SFRP1: variants seen among roughly 807,000 people sequenced by gnomAD.
The protein encoded by SFRP1 is secreted frizzled-related protein 1.
Under a neutral mutation model 25.9 loss-of-function variants are expected in SFRP1, and 9 were observed. The ratio of observed to expected loss-of-function variants is 0.35; its 90% confidence interval spans 0.21 to 0.61. The LOEUF (loss-of-function observed/expected upper bound fraction) is 0.61, where lower values mean the gene tolerates loss of function less well. SFRP1 is among the 20% of genes least tolerant of loss of function. The pLI, the probability that SFRP1 is intolerant of heterozygous loss-of-function variation, is 0.78. For missense variants in SFRP1, 346 were observed against 418.2 expected, an observed-to-expected ratio of 0.83 and a Z score of 1.51; for synonymous variants, 178 against 174.0, an observed-to-expected ratio of 1.02 and a Z score of -0.18.
chr8:41,291,231 T>TA (rs1276620237), intron 2 of SFRP1, among the ~76,000 whole-genome samples: 2 of 152,018 alleles, frequency 1.3e-5, no homozygotes, highest in Non-Finnish European at 2.9e-5. Context: ...TTTTTAAAGA[T>TA]ATAAGACAGT....
At chr8:41,308,566 G>T (rs757518996) in intron 1 of SFRP1, 50 bp downstream of exon 1, 9 of 1,444,266 alleles carry the variant, frequency 6.2e-6, no homozygotes, top group South Asian at 5.3e-5. Context: ...TGCAGCTCCG[G>T]CCGGGGGATG....
chr8:41,302,901 G>A (rs918263822), intron 2 of SFRP1, among the ~76,000 whole-genome samples: 11 of 151,910 alleles, frequency 7.2e-5, no homozygotes, highest in Non-Finnish European at 1.3e-4. Context: ...CCCTGCTGTG[G>A]GGATGTCCAT....
intron 2 of SFRP1, among the ~76,000 whole-genome samples, chr8:41,277,776 A>C (rs1803588657): frequency 6.6e-6 from 1 of 152,184 alleles, no homozygotes; most frequent in Non-Finnish European, 1.5e-5. Flanking sequence ...TAATTAAAAA[A>C]ATGTTCTTTA....
At chr8:41,296,901 G>C (rs909497091) in intron 2 of SFRP1, among the ~76,000 whole-genome samples, 1 of 152,148 alleles carries the variant, frequency 6.6e-6, no homozygotes, top group Admixed American at 6.5e-5. Context: ...AGGCTTCCAG[G>C]TTTACGTTGA....
rs561126150 is a variant in SFRP1 at position 41,280,834 on chromosome 8, C to T, written c.623-15345G>A. ...ACACATAGACAGAGCTTTGCAGGAA[C>T]GGGTGCTCGGCCCACATTCTGGAGC... On this transcript the variant is annotated intron_variant, in intron 2 of 2. Transcript: ENST00000220772. Among the ~76,000 whole-genome samples, 5 of 152,300 alleles carry T rather than the reference C, an allele frequency of 3.3e-5. No individual in the cohort carries two copies. In the East Asian group the frequency reaches 7.7e-4, roughly 24 times the overall value.
intron 1 of SFRP1, among the ~76,000 whole-genome samples, chr8:41,305,924 G>A (rs1803990174): frequency 6.6e-6 from 1 of 152,202 alleles, no homozygotes; most frequent in Non-Finnish European, 1.5e-5. Flanking sequence ...GGGAACAGAG[G>A]GCTCTGTGGC....
At chr8:41,301,375 C>T (rs1034680296) in intron 2 of SFRP1, among the ~76,000 whole-genome samples, 5 of 152,230 alleles carry the variant, frequency 3.3e-5, no homozygotes, top group South Asian at 2.1e-4. Context: ...CTAGGAAACA[C>T]GTTTCTCGAC....
rs537584686 is a variant in SFRP1 at position 41,288,985 on chromosome 8, CCA to C, written c.622+14474_622+14475del. Among the ~76,000 whole-genome samples the C allele has an allele frequency of 3.9e-4, 59 of 152,314 alleles. 2 individuals carry two copies. In the South Asian group the frequency reaches 0.012, roughly 31 times the overall value. On this transcript the variant is annotated intron_variant, in intron 2 of 2. Transcript: ENST00000220772. Reference sequence around the variant, plus strand: ...CCAGCCCTGGTCAGAGACCACTGATCCACAGTTTATGCAATGCACTGCCCTTT... The same window carrying C: ...CCAGCCCTGGTCAGAGACCACTGATCCAGTTTATGCAATGCACTGCCCTTT...
chr8:41,295,744 A>ATT (rs375196464), intron 2 of SFRP1, among the ~76,000 whole-genome samples: 3,272 of 144,948 alleles, frequency 0.023, 71 homozygotes, highest in African/African-American at 0.051. Context: ...TATCTGCAGC[A>ATT]TTTTTTTTTT....
In SFRP1 at chr8:41,264,549, TG is replaced by T. The variant is rs1803411360; in HGVS notation, c.*617del. 6.6e-6 allele frequency: 1 copy of T among 152,284 alleles called. No individual in the cohort carries two copies. Among genetic ancestry groups the T allele is most frequent in the Admixed American group, 6.5e-5 (1 of 15,274 alleles). The allele number at this position is 152,284 out of a possible 1,614,324, so 9.4% of individuals were successfully genotyped here. A position where few individuals can be genotyped will look rare whatever the true frequency, so the allele number is the denominator to read the frequency against. On this transcript the variant is annotated 3_prime_UTR_variant, in exon 3 of 3. Transcript: ENST00000220772. ...CAAAGACAATCACACGGAAAGACTGTGGGCAGAGAAGGCAATGCCTCTCCCC... is the reference window on the plus strand; with the variant it reads ...CAAAGACAATCACACGGAAAGACTGTGGCAGAGAAGGCAATGCCTCTCCCC...
chr8:41,284,188 C>T (rs10103297), intron 2 of SFRP1, among the ~76,000 whole-genome samples: 17,163 of 152,122 alleles, frequency 0.11, 1,556 homozygotes, highest in East Asian at 0.33. Context: ...GTTCATTAGC[C>T]CAGACTCAGA....
In SFRP1 at chr8:41,265,083, G is replaced by A; in HGVS notation, c.*84C>T. 1.0e-6 allele frequency: 1 copy of A among 960,814 alleles called. No individual in the cohort carries two copies. Among genetic ancestry groups the A allele is most frequent in the Non-Finnish European group, 1.5e-6 (1 of 646,178 alleles). 59.5% of individuals were successfully genotyped at this position (960,814 alleles called of 1,614,324 possible). On this transcript the variant is annotated 3_prime_UTR_variant, in exon 3 of 3. Transcript: ENST00000220772. ...CACTACTGACAGGCGCAGTGCGTGT[G>A]TGTGACCCACCGGGTTCCCGGGGCA... is the stretch of plus-strand genomic sequence containing the variant.
At chr8:41,286,052 C>G (rs1271210269) in intron 2 of SFRP1, among the ~76,000 whole-genome samples, 2 of 151,012 alleles carry the variant, frequency 1.3e-5, no homozygotes. Flanking sequence ...AAAGCAGAAG[C>G]TCATAGTTGC....
chr8:41,281,495 G>A (rs531217073), intron 2 of SFRP1, among the ~76,000 whole-genome samples: 1 of 152,330 alleles, frequency 6.6e-6, no homozygotes, highest in Non-Finnish European at 1.5e-5. Flanking sequence ...TAAGCCCATG[G>A]CTGCCATCCA....
At chr8:41,294,737 C>T (rs1803819261) in intron 2 of SFRP1, among the ~76,000 whole-genome samples, 1 of 152,166 alleles carries the variant, frequency 6.6e-6, no homozygotes, top group Non-Finnish European at 1.5e-5. Context: ...CCAAACCTAA[C>T]AGACCAACAC....
intron 2 of SFRP1, among the ~76,000 whole-genome samples, chr8:41,274,325 C>G (rs1334155484): frequency 6.6e-6 from 1 of 152,144 alleles, no homozygotes; most frequent in Non-Finnish European, 1.5e-5. Flanking sequence ...TGCCAGAAAG[C>G]TTGGGGCTGA....
At position 41,307,088 on chromosome 8, in the gene SFRP1, G is replaced by A. The variant is rs904869933; in HGVS notation, c.544+1528C>T. On this transcript the variant is annotated intron_variant, in intron 1 of 2. Coordinates refer to ENST00000220772, the MANE Select transcript of SFRP1 (RefSeq NM_003012.5). ...ACAGGGCAGGGCTGGGCTAATCCCC[G>A]CTGGCTGAGGAAGGGGAGAAGGAAA... is the stretch of plus-strand genomic sequence containing the variant. 6.4e-6 allele frequency: 8 copies of A among 1,259,186 alleles called. No individual in the cohort carries two copies. In the South Asian group the frequency reaches 7.1e-5, roughly 11 times the overall value. The allele number at this position is 1,259,186 out of a possible 1,614,324, so 78.0% of individuals were successfully genotyped here.
chr8:41,278,894 C>T (rs1302931959), intron 2 of SFRP1, among the ~76,000 whole-genome samples: 1 of 152,154 alleles, frequency 6.6e-6, no homozygotes, highest in Non-Finnish European at 1.5e-5. Flanking sequence ...TTGCACCTCA[C>T]TCTTCTCCCT....
intron 2 of SFRP1, among the ~76,000 whole-genome samples, chr8:41,282,799 T>A (rs2117495244): frequency 6.6e-6 from 1 of 152,338 alleles, no homozygotes; most frequent in East Asian, 1.9e-4. Flanking sequence ...GTTTTATTCA[T>A]CCATTCATTT....
Sources: allele counts gnomAD v4.1 joint callset (sites outside exome capture counted in the v4.1 genomes callset), GRCh38; gene constraint gnomAD v4.1.1; transcripts MANE v1.5; gene names NCBI Gene and HGNC (gene_info 2026-07-23, HGNC 2026-07-21).